Variants in HPSE2 observed in about 807,000 individuals in gnomAD.
The protein encoded by HPSE2 is inactive heparanase-2.
HPSE2 carries 38 observed loss-of-function variants against 60.5 expected under a neutral mutation model. That is an observed-to-expected ratio of 0.63 (90% CI 0.48 to 0.82). The LOEUF is 0.82. Among genes scored for constraint, HPSE2 ranks in the 40% least tolerant of loss-of-function variants. HPSE2 has a pLI of 0.00. For synonymous variants in HPSE2, 295 were observed against 293.2 expected (o/e 1.01, Z -0.06); for missense variants, 713 against 740.4 (o/e 0.96, Z 0.43).
chr10:99,302,700 G>A, the HPSE2 span, among the ~76,000 whole-genome samples: 11 of 151,922 alleles, frequency 7.2e-5, no homozygotes, highest in Non-Finnish European at 1.6e-4. Flanking sequence ...CTCACCTTTG[G>A]GATGGGACTC....
At chr10:99,147,397 T>C (rs1416511669) in intron 2 of HPSE2, among the ~76,000 whole-genome samples, 1 of 152,222 alleles carries the variant, frequency 6.6e-6, no homozygotes, top group East Asian at 1.9e-4. Context: ...CAAAACATAC[T>C]ATAAAAAGTG....
At chr10:98,842,472 T>C (rs990254516) in intron 3 of HPSE2, among the ~76,000 whole-genome samples, 26 of 152,098 alleles carry the variant, frequency 1.7e-4, no homozygotes, top group African/African-American at 5.8e-4. Context: ...GTTGAATTCA[T>C]TGAGCTTTAA....
intron 9 of HPSE2, among the ~76,000 whole-genome samples, chr10:98,555,183 C>T (rs751366328): frequency 6.6e-6 from 1 of 152,180 alleles, no homozygotes; most frequent in Admixed American, 6.5e-5. Flanking sequence ...GTTATGCCCC[C>T]TCTTGAGCCA....
chr10:98,811,103 C>G (rs955749154), intron 3 of HPSE2, among the ~76,000 whole-genome samples: 7 of 152,166 alleles, frequency 4.6e-5, no homozygotes, highest in African/African-American at 1.2e-4. Context: ...CATTAACCTT[C>G]TCTTACTGCC....
chr10:99,222,086 A>G (rs1467264461), intron 2 of HPSE2, among the ~76,000 whole-genome samples: 3 of 152,126 alleles, frequency 2.0e-5, no homozygotes, highest in African/African-American at 7.2e-5. Context: ...CCTATTTACA[A>G]GCAAACTTTC....
At chr10:98,559,853 G>T (rs775819300) in intron 9 of HPSE2, among the ~76,000 whole-genome samples, 4 of 152,302 alleles carry the variant, frequency 2.6e-5, no homozygotes, top group Non-Finnish European at 2.9e-5. Context: ...TTTGTGAGCT[G>T]TATTTTTTAA....
intron 5 of HPSE2, among the ~76,000 whole-genome samples, chr10:98,705,653 G>A (rs550459110): frequency 6.6e-6 from 1 of 152,228 alleles, no homozygotes; most frequent in Admixed American, 6.5e-5. Context: ...ACTAACACAG[G>A]AACAGAAAAC....
intron 3 of HPSE2, among the ~76,000 whole-genome samples, chr10:99,023,223 G>A (rs529060536): frequency 3.3e-5 from 5 of 152,284 alleles, no homozygotes; most frequent in Admixed American, 2.0e-4. Flanking sequence ...ATTCCTTGTG[G>A]CCTGGGGTGG....
chr10:98,955,508 T>C (rs1237863680), intron 3 of HPSE2, among the ~76,000 whole-genome samples: 3 of 152,150 alleles, frequency 2.0e-5, no homozygotes, highest in Non-Finnish European at 4.4e-5. Flanking sequence ...ACACTGTTTG[T>C]AGGAATATAA....
chr10:98,474,222 G>A (rs776490256), intron 11 of HPSE2, among the ~76,000 whole-genome samples: 10 of 152,162 alleles, frequency 6.6e-5, no homozygotes, highest in African/African-American at 1.7e-4. Context: ...TGTCTGAGTC[G>A]TGGTATTGAA....
intron 3 of HPSE2, among the ~76,000 whole-genome samples, chr10:98,967,799 G>C (rs1447233822): frequency 6.6e-6 from 1 of 152,194 alleles, no homozygotes; most frequent in Non-Finnish European, 1.5e-5. Context: ...ATAGATGTAA[G>C]ATTTTAACTT....
At chr10:99,139,642 C>A (rs929859309) in intron 3 of HPSE2, among the ~76,000 whole-genome samples, 2 of 152,006 alleles carry the variant, frequency 1.3e-5, no homozygotes, top group African/African-American at 4.8e-5. Flanking sequence ...TAAAACATGT[C>A]TTTCACCATT....
At chr10:98,661,831 T>C (rs1947231715) in intron 6 of HPSE2, among the ~76,000 whole-genome samples, 1 of 152,220 alleles carries the variant, frequency 6.6e-6, no homozygotes, top group Admixed American at 6.5e-5. Flanking sequence ...ACTCTTACAC[T>C]ATGCAGCTGT....
intron 3 of HPSE2, among the ~76,000 whole-genome samples, chr10:99,141,467 A>G (rs1845864323): frequency 6.6e-6 from 1 of 152,222 alleles, no homozygotes; most frequent in African/African-American, 2.4e-5. Context: ...ACATTAAGAC[A>G]AGTTTAAAAC....
At position 98,715,392 on chromosome 10, in the gene HPSE2, A is replaced by G. The variant is rs549229115; in HGVS notation, c.956+6265T>C. ...TATATTTCTATATCATTATAAGGAT[A>G]CCAATTACAGATTTTTATTTTTAAA... On this transcript the variant is annotated intron_variant, in intron 5 of 11. Transcript: ENST00000370552. Among the ~76,000 whole-genome samples, 5 of 152,116 alleles carry G rather than the reference A, an allele frequency of 3.3e-5. 1 individual carries two copies. The South Asian group carries it at 1.0e-3, about 32-fold the overall frequency.
intron 5 of HPSE2, among the ~76,000 whole-genome samples, chr10:98,711,187 G>A (rs1425590530): frequency 1.3e-5 from 2 of 152,040 alleles, no homozygotes; most frequent in African/African-American, 4.8e-5. Flanking sequence ...CCAAAATGCT[G>A]CTGAGGAAGT....
intron 3 of HPSE2, among the ~76,000 whole-genome samples, chr10:99,034,425 T>C (rs1461709814): frequency 6.6e-6 from 1 of 152,164 alleles, no homozygotes; most frequent in Non-Finnish European, 1.5e-5. Context: ...CGGGGGTGGA[T>C]ACATGACTGT....
At chr10:99,136,147 G>A (rs1845641689) in intron 3 of HPSE2, among the ~76,000 whole-genome samples, 1 of 152,102 alleles carries the variant, frequency 6.6e-6, no homozygotes, top group Non-Finnish European at 1.5e-5. Flanking sequence ...AGAAGAAATG[G>A]ATAAATTCCT....
chr10:99,153,774 G>C (rs1846393744), intron 2 of HPSE2, among the ~76,000 whole-genome samples: 1 of 152,234 alleles, frequency 6.6e-6, no homozygotes, highest in Admixed American at 6.5e-5. Context: ...CGAGCTGAGA[G>C]AAGAAGGCTT....
Sources: allele counts gnomAD v4.1 joint callset (sites outside exome capture counted in the v4.1 genomes callset), GRCh38; gene constraint gnomAD v4.1.1; transcripts MANE v1.5; gene names NCBI Gene and HGNC (gene_info 2026-07-23, HGNC 2026-07-21).